The following PTPRB variants were observed in gnomAD, a reference collection of about 807,000 sequenced individuals.
PTPRB encodes the protein protein tyrosine phosphatase receptor type B, also known as receptor-type tyrosine-protein phosphatase beta.
PTPRB carries 97 observed loss-of-function variants against 238.1 expected under a neutral mutation model. The ratio of observed to expected loss-of-function variants is 0.41; its 90% CI spans 0.35 to 0.48. PTPRB has a LOEUF of 0.48. Among genes scored for constraint, PTPRB ranks in the 20% least tolerant of loss-of-function variants. The pLI, the probability that PTPRB is intolerant of heterozygous loss-of-function variation, is 0.30. For missense variants in PTPRB, 2,292 were observed against 2,681.9 expected (o/e 0.85, Z 3.21); for synonymous variants, 970 against 995.4 (o/e 0.97, Z 0.48).
intron 11 of PTPRB, among the ~76,000 whole-genome samples, chr12:70,576,016 G>A (rs962133101): frequency 2.6e-5 from 4 of 152,120 alleles, no homozygotes; most frequent in Admixed American, 6.5e-5. Flanking sequence ...ACAGTTGGGC[G>A]AGTTACTTGA....
rs1592405848 is a variant in PTPRB at position 70,534,515 on chromosome 12, C to T, written c.6341G>A (p.Gly2114Asp). Residue 2114 changes from glycine (G) to aspartate (D), a missense_variant, in exon 31 of 34, where the codon GGT becomes GAT. By Grantham distance (94) the Gly-to-Asp change is moderately conservative. Around this residue, in one of 4 missense-constraint regions of PTPRB, gnomAD observed 397 missense variants for 502.0 expected, o/e 0.79. Transcript: ENST00000334414. ...TVRDYINRSP[G>D]AGPTVVHCSA... The stretch of plus-strand genomic sequence containing the variant: ...GCAGTGCACCACAGTGGGCCCAGCA[C>T]CCGGGCTTCTGTTGATGTAGTCCCT... 7 of 1,613,082 alleles carry T rather than the reference C, an allele frequency of 4.3e-6. No individual in the cohort carries two copies. The highest frequency in any genetic ancestry group is 4.5e-5 in the East Asian group (2 of 44,862).
intron 3 of PTPRB, among the ~76,000 whole-genome samples, chr12:70,617,364 A>C (rs1440943038): frequency 6.6e-6 from 1 of 152,150 alleles, no homozygotes; most frequent in Non-Finnish European, 1.5e-5. Flanking sequence ...TCCTCCCCAC[A>C]ATATGTTATT....
intron 4 of PTPRB, among the ~76,000 whole-genome samples, chr12:70,597,784 A>T (rs556565178): frequency 6.6e-6 from 1 of 152,310 alleles, no homozygotes; most frequent in South Asian, 2.1e-4. Flanking sequence ...TGTAATTTAC[A>T]TATAAAAGAA....
At chr12:70,559,985 C>T (rs1878270142) in intron 17 of PTPRB, among the ~76,000 whole-genome samples, 1 of 151,672 alleles carries the variant, frequency 6.6e-6, no homozygotes, top group Non-Finnish European at 1.5e-5. Context: ...TACAGGTGCC[C>T]ACCACTACAC....
chr12:70,615,726 G>A (rs900061453), intron 3 of PTPRB, among the ~76,000 whole-genome samples: 2 of 152,162 alleles, frequency 1.3e-5, no homozygotes, highest in African/African-American at 4.8e-5. Context: ...CTTGCAATGG[G>A]GCAGTCTATA....
Position 70,592,280 on chromosome 12 carries a change from A to T in PTPRB, c.1780+2T>A. 6.2e-7 allele frequency: 1 copy of T among 1,613,980 alleles called. No individual in the cohort carries two copies. Among genetic ancestry groups the T allele is most frequent in the Non-Finnish European group, 8.5e-7 (1 of 1,179,862 alleles). Reference sequence around the variant, plus strand: ...AGGAACATTCTGGAGCCCAAGACTCACATGTTCTGCCCACTGCCATCTTCT... The same window carrying T: ...AGGAACATTCTGGAGCCCAAGACTCTCATGTTCTGCCCACTGCCATCTTCT... On this transcript the variant is annotated splice_donor_variant, in intron 7 of 33. Coordinates refer to ENST00000334414, the MANE Select transcript of PTPRB (RefSeq NM_001109754.4). LOFTEE classifies it high-confidence loss of function.
At chr12:70,591,800 A>C (rs780827730) in intron 7 of PTPRB, 73 of 158,360 alleles carry the variant, frequency 4.6e-4, no homozygotes, top group Non-Finnish European at 7.8e-4. Flanking sequence ...ATCAGGCCAC[A>C]GACCAGATTT....
intron 13 of PTPRB, among the ~76,000 whole-genome samples, chr12:70,570,396 G>A (rs980369973): frequency 2.0e-5 from 3 of 152,028 alleles, no homozygotes; most frequent in African/African-American, 7.2e-5. Flanking sequence ...GTCCAGGCTG[G>A]AGTGCAATGG....
At chr12:70,616,221 G>A (rs551904874) in intron 3 of PTPRB, among the ~76,000 whole-genome samples, 2 of 152,070 alleles carry the variant, frequency 1.3e-5, no homozygotes, top group South Asian at 2.1e-4. Context: ...TAGGATTACA[G>A]GTGTGAGCCA....
chr12:70,632,951 C>T (rs928423511), intron 2 of PTPRB, among the ~76,000 whole-genome samples: 33 of 152,162 alleles, frequency 2.2e-4, no homozygotes, highest in Non-Finnish European at 2.9e-5. Context: ...AGCTCTGGCA[C>T]ATAGTAGGTG....
rs1376421474 is a variant in PTPRB, at chr12:70,626,341, ATC to A, written c.452-3697_452-3696del. 5.5e-5 allele frequency among the ~76,000 whole-genome samples: 8 copies of A among 146,674 alleles called. No homozygotes were observed. The South Asian group carries it at 8.8e-4, about 16-fold the overall frequency. On this transcript the variant is annotated intron_variant, in intron 2 of 33. Coordinates refer to ENST00000334414, the MANE Select transcript of PTPRB (RefSeq NM_001109754.4). Reference sequence around the variant, plus strand: ...TATCTATCTATCTATCTATCTATCTATCTATCTATCTATCTATCTATCTATAT... The same window carrying A: ...TATCTATCTATCTATCTATCTATCTATATCTATCTATCTATCTATCTATAT...
intron 2 of PTPRB, among the ~76,000 whole-genome samples, chr12:70,626,299 CTAT>C (rs1193942191): frequency 0.053 from 1,505 of 28,458 alleles, 92 homozygotes; most frequent in African/African-American, 0.13. Context: ...ATCCATCCAT[CTAT>C]CTATCTATCT....
Position 70,560,414 on chromosome 12 carries a change from A to G in PTPRB, c.4432+257T>C, listed in dbSNP as rs1399216551. 6.6e-6 allele frequency among the ~76,000 whole-genome samples: 1 copy of G among 152,086 alleles called. No homozygotes were observed. Among genetic ancestry groups the G allele is most frequent in the African/African-American group, 2.4e-5 (1 of 41,410 alleles). ...AGTGATGATGTATATGATTATTCCC[A>G]CTTTGCAGATAAGAAAACTGAGGCC... On this transcript the variant is annotated intron_variant, in intron 17 of 33. Coordinates refer to ENST00000334414, the MANE Select transcript of PTPRB (RefSeq NM_001109754.4). The surrounding 1 kb of genome is among the most constrained non-coding windows in gnomAD (Gnocchi z 4.2).
intron 10 of PTPRB, among the ~76,000 whole-genome samples, chr12:70,577,592 C>T (rs1880926116): frequency 6.6e-6 from 1 of 152,080 alleles, no homozygotes; most frequent in Non-Finnish European, 1.5e-5. Context: ...CTGTTTTAAT[C>T]ATTAGTTGAT....
intron 2 of PTPRB, among the ~76,000 whole-genome samples, chr12:70,624,124 A>G (rs1358291626): frequency 6.6e-6 from 1 of 152,206 alleles, no homozygotes; most frequent in Non-Finnish European, 1.5e-5. Flanking sequence ...ATAAAAATAC[A>G]TTCTATCCAG....
At chr12:70,592,714 T>C (rs1159759521) in intron 6 of PTPRB, among the ~76,000 whole-genome samples, 169 bp from the exon 7 acceptor site, 2 of 152,010 alleles carry the variant, frequency 1.3e-5, no homozygotes, top group African/African-American at 4.8e-5. Context: ...AAAATAAAAA[T>C]AAAAAAAGGT....
chr12:70,524,564 C>T lies in PTPRB; in HGVS notation c.6532G>A (p.Val2178Ile), dbSNP rs773804123. 1.2e-6 allele frequency: 2 copies of T among 1,612,600 alleles called. No individual in the cohort carries two copies. Among genetic ancestry groups the T allele is most frequent in the East Asian group, 4.5e-5 (2 of 44,862 alleles). The change falls in exon 33 of 34, where the codon GTA becomes ATA. Residue 2178 changes from valine (V) to isoleucine (I), a missense_variant. By Grantham distance (29) the Val-to-Ile change is conservative. Around this residue, in one of 4 missense-constraint regions of PTPRB, gnomAD observed 397 missense variants for 502.0 expected, o/e 0.79. Transcript: ENST00000334414. The stretch of plus-strand genomic sequence containing the variant: ...TTTCTTGCTCTGAGGACATCTCTTA[C>T]ACACTGATGTAGGTAGACATACTGA... Reference protein sequence around the residue: ...ECQYVYLHQCVRDVLRARKLR... With the variant: ...ECQYVYLHQCIRDVLRARKLR...
chr12:70,590,590 C>CTTTTTTT (rs34092195), intron 7 of PTPRB, among the ~76,000 whole-genome samples: 1 of 106,008 alleles, frequency 9.4e-6, no homozygotes, highest in African/African-American at 3.3e-5. Context: ...AGATTAAGTT[C>CTTTTTTT]TTTTTTTTTT....
chr12:70,586,190 A>G (rs1161709741), intron 9 of PTPRB, among the ~76,000 whole-genome samples: 1 of 152,180 alleles, frequency 6.6e-6, no homozygotes, highest in Non-Finnish European at 1.5e-5. Flanking sequence ...GTCAAATGGT[A>G]TTTCTAGTTC....
Sources: gnomAD v4.1 joint callset for allele counts (sites outside exome capture counted in the v4.1 genomes callset) on GRCh38, gnomAD v4.1.1 for gene constraint, gnomAD v4.1.1 regional missense constraint, Gnocchi (gnomAD v3.1) non-coding constraint, MANE v1.5 for transcripts, NCBI Gene and HGNC (gene_info 2026-07-23, HGNC 2026-07-21) for gene names.